The following UQCRB variants were observed in gnomAD, a reference collection of about 807,000 sequenced individuals.
The protein encoded by UQCRB is ubiquinol-cytochrome c reductase binding protein.
A neutral mutation model predicts 19.8 loss-of-function variants in UQCRB; 12 were observed. The ratio of observed to expected loss-of-function variants is 0.61; its 90% CI spans 0.39 to 0.98. The LOEUF is 0.98. Among genes scored for constraint, UQCRB ranks in the 50% least tolerant of loss-of-function variants. UQCRB has a pLI of 0.00. For synonymous variants in UQCRB, 39 were observed against 42.9 expected, an observed-to-expected ratio of 0.91 and a Z score of 0.35; for missense variants, 142 against 131.8, an observed-to-expected ratio of 1.08 and a Z score of -0.38.
At position 96,228,502 on chromosome 8, in the gene UQCRB, A is replaced by G. The variant is rs1240900864; in HGVS notation, c.*2553T>C. The G allele has an allele frequency of 4.4e-6, 2 of 454,126 alleles. No individual in the cohort carries two copies. The highest frequency in any genetic ancestry group is 4.7e-5 in the Admixed American group (2 of 42,576). 28.1% of individuals were successfully genotyped at this position (454,126 alleles called of 1,614,324 possible). On this transcript the variant is annotated 3_prime_UTR_variant, in exon 4 of 4. Coordinates refer to ENST00000287022, the MANE Select transcript of UQCRB (RefSeq NM_006294.5). Reference sequence around the variant, plus strand: ...GAAACAAGAGTGCCACATAGAAGGAAGAGAGGAGACCTTGGACCTTAGCTA... The same window carrying G: ...GAAACAAGAGTGCCACATAGAAGGAGGAGAGGAGACCTTGGACCTTAGCTA...
intron 1 of UQCRB, 174 bp from the exon 2 acceptor site, chr8:96,233,401 A>C: frequency 1.6e-6 from 1 of 612,770 alleles, no homozygotes; most frequent in South Asian, 2.1e-5. Flanking sequence ...ATTAGATTTA[A>C]AAGAAAAAAG....
chr8:96,226,853 T>C lies in UQCRB; in HGVS notation c.*4202A>G, dbSNP rs1249657737. On this transcript the variant is annotated 3_prime_UTR_variant, in exon 4 of 4. Transcript: ENST00000287022. ...AGTTTATCATAAGCCTCTGGAATAT[T>C]AACAGGCTTTCTGACATCTATGCTA... 2.2e-6 allele frequency: 1 copy of C among 451,202 alleles called. No homozygotes were observed. The highest frequency in any genetic ancestry group is 6.9e-5 in the East Asian group (1 of 14,398). The allele number at this position is 451,202 out of a possible 1,614,324, so 27.9% of individuals were successfully genotyped here.
Position 96,223,102 on chromosome 8 carries a change from G to GA in UQCRB, c.*7952dup, listed in dbSNP as rs2129760494. 6.7e-6 allele frequency among the ~76,000 whole-genome samples: 1 copy of GA among 148,622 alleles called. No individual in the cohort carries two copies. The highest frequency in any genetic ancestry group is 2.2e-4 in the South Asian group (1 of 4,642). On this transcript the variant is annotated 3_prime_UTR_variant, in exon 4 of 4. Coordinates refer to ENST00000287022, the MANE Select transcript of UQCRB (RefSeq NM_006294.5). ...CAATTATACAAGATGAACAGGTCTAGAGATTTCATGTACAGCATGGTGACT... is the reference window on the plus strand; with the variant it reads ...CAATTATACAAGATGAACAGGTCTAGAAGATTTCATGTACAGCATGGTGACT...
intron 1 of UQCRB, chr8:96,233,540 G>A: frequency 3.2e-6 from 1 of 310,466 alleles, no homozygotes; most frequent in South Asian, 3.6e-5. Context: ...AAGATCCATA[G>A]GTACATCGTG....
chr8:96,230,956 T>A lies in UQCRB; in HGVS notation c.*99A>T. 7.9e-7 allele frequency: 1 copy of A among 1,267,880 alleles called. No individual in the cohort carries two copies. The highest frequency in any genetic ancestry group is 1.7e-5 in the Admixed American group (1 of 59,010). 78.5% of individuals were successfully genotyped at this position (1,267,880 alleles called of 1,614,324 possible). A position where few individuals can be genotyped will look rare whatever the true frequency, so the allele number is the denominator to read the frequency against. On this transcript the variant is annotated 3_prime_UTR_variant, in exon 4 of 4. Coordinates refer to ENST00000287022, the MANE Select transcript of UQCRB (RefSeq NM_006294.5). ...TCCAGCCATTACAATAGACATTTAT[T>A]TAAAGTAAAACATCTTCAGACCAAA...
rs1381704295 is a variant in UQCRB at position 96,229,722 on chromosome 8, A to G, written c.*1333T>C. ...TCTTCAACCATACAAAAGAAAATTG[A>G]CATGATTTCAGGATAGGTTTAGAAA... is the stretch of plus-strand genomic sequence containing the variant. On this transcript the variant is annotated 3_prime_UTR_variant, in exon 4 of 4. Coordinates refer to ENST00000287022, the MANE Select transcript of UQCRB (RefSeq NM_006294.5). The G allele has an allele frequency of 6.6e-6, 3 of 453,666 alleles. No individual in the cohort carries two copies. Among genetic ancestry groups the G allele is most frequent in the Admixed American group, 2.4e-5 (1 of 42,512 alleles). 28.1% of individuals were successfully genotyped at this position (453,666 alleles called of 1,614,324 possible). A position where few individuals can be genotyped will look rare whatever the true frequency, so the allele number is the denominator to read the frequency against.
chr8:96,227,541 T>G lies in UQCRB; in HGVS notation c.*3514A>C. On this transcript the variant is annotated 3_prime_UTR_variant, in exon 4 of 4. Coordinates refer to ENST00000287022, the MANE Select transcript of UQCRB (RefSeq NM_006294.5). ...TGTCCCTCCTAAAATCCATGCTTCC[T>G]CCCATACACCATAAACCCATCTGCT... is the stretch of plus-strand genomic sequence containing the variant. 1 of 454,154 alleles carries G rather than the reference T, an allele frequency of 2.2e-6. No individual in the cohort carries two copies. Among genetic ancestry groups the G allele is most frequent in the Non-Finnish European group, 4.4e-6 (1 of 226,798 alleles). The allele number at this position is 454,154 out of a possible 1,614,324, so 28.1% of individuals were successfully genotyped here.
chr8:96,235,539 GA>G lies in UQCRB; in HGVS notation c.-10del. 1 of 1,614,256 alleles carries G rather than the reference GA, an allele frequency of 6.2e-7. No individual in the cohort carries two copies. The highest frequency in any genetic ancestry group is 8.5e-7 in the Non-Finnish European group (1 of 1,180,044). On this transcript the variant is annotated 5_prime_UTR_variant, in exon 1 of 4. Coordinates refer to ENST00000287022, the MANE Select transcript of UQCRB (RefSeq NM_006294.5). ...GCCTGCTTACCAGCCATTTTGACCA[GA>G]AAGAGAAGCGTTGCCTTCTGGGTAA... is the stretch of plus-strand genomic sequence containing the variant.
intron 1 of UQCRB, chr8:96,234,924 C>G (rs905503312): frequency 1.4e-5 from 3 of 208,974 alleles, no homozygotes; most frequent in African/African-American, 7.2e-5. Context: ...AGCTGACGCT[C>G]TAGATAATCC....
In UQCRB at chr8:96,223,961, C is replaced by G. The variant is rs1039286950; in HGVS notation, c.*7094G>C. ...GGAAGGCCACTCCCTTCAACTGGAA[C>G]TAGTGTGGTCTCCTGGAGTCTGACT... On this transcript the variant is annotated 3_prime_UTR_variant, in exon 4 of 4. Transcript: ENST00000287022. Among the ~76,000 whole-genome samples the G allele has an allele frequency of 6.6e-6, 1 of 152,160 alleles. No homozygotes were observed. The highest frequency in any genetic ancestry group is 2.4e-5 in the African/African-American group (1 of 41,442).
In UQCRB at chr8:96,229,753, C is replaced by T. The variant is rs2129792512; in HGVS notation, c.*1302G>A. 2.2e-6 allele frequency: 1 copy of T among 452,194 alleles called. No homozygotes were observed. Among genetic ancestry groups the T allele is most frequent in the South Asian group, 1.6e-5 (1 of 64,354 alleles). 28.0% of individuals were successfully genotyped at this position (452,194 alleles called of 1,614,324 possible). A position where few individuals can be genotyped will look rare whatever the true frequency, so the allele number is the denominator to read the frequency against. ...TTTCAGGATAGGTTTAGAAAAATAA[C>T]GACCAGCGAAAGGAAAAAAAAAAGC... On this transcript the variant is annotated 3_prime_UTR_variant, in exon 4 of 4. Transcript: ENST00000287022.
chr8:96,229,457 T>A lies in UQCRB; in HGVS notation c.*1598A>T. On this transcript the variant is annotated 3_prime_UTR_variant, in exon 4 of 4. Coordinates refer to ENST00000287022, the MANE Select transcript of UQCRB (RefSeq NM_006294.5). ...TTGAGATGCCTCAGTTGTAGTCTCCTTGTAATTGTGCACAGTAGACGTCTG... is the reference window on the plus strand; with the variant it reads ...TTGAGATGCCTCAGTTGTAGTCTCCATGTAATTGTGCACAGTAGACGTCTG... 2.2e-6 allele frequency: 1 copy of A among 454,132 alleles called. No homozygotes were observed. Among genetic ancestry groups the A allele is most frequent in the South Asian group, 1.6e-5 (1 of 64,476 alleles). 28.1% of individuals were successfully genotyped at this position (454,132 alleles called of 1,614,324 possible).
rs1283617035 is a variant in UQCRB at position 96,235,520 on chromosome 8, T to C, written c.11A>G (p.Lys4Arg). 2.5e-6 allele frequency: 4 copies of C among 1,614,130 alleles called. No homozygotes were observed. The highest frequency in any genetic ancestry group is 3.4e-6 in the Non-Finnish European group (4 of 1,180,044). The change falls in exon 1 of 4, where the codon AAG becomes AGG. Residue 4 changes from lysine (K) to arginine (R), a missense_variant. Lys to Arg is a conservative substitution (Grantham distance 26). Coordinates refer to ENST00000287022, the MANE Select transcript of UQCRB (RefSeq NM_006294.5). Reference protein sequence around the residue: MAGKQAVSASGKWL... With the variant: MAGRQAVSASGKWL... ...GACCCCCAGTTACTTACCGGCCTGC[T>C]TACCAGCCATTTTGACCAGAAAGAG...
Position 96,230,525 on chromosome 8 carries a change from T to C in UQCRB, c.*530A>G, listed in dbSNP as rs1450575730. 2.2e-6 allele frequency: 1 copy of C among 453,678 alleles called. No individual in the cohort carries two copies. The highest frequency in any genetic ancestry group is 7.0e-5 in the East Asian group (1 of 14,252). 28.1% of individuals were successfully genotyped at this position (453,678 alleles called of 1,614,324 possible). On this transcript the variant is annotated 3_prime_UTR_variant, in exon 4 of 4. Transcript: ENST00000287022. ...ACAGTATGATTTGTCTTTATACTTTTATTTTTCTAACATCTTTTTGTTTTC... is the reference window on the plus strand; with the variant it reads ...ACAGTATGATTTGTCTTTATACTTTCATTTTTCTAACATCTTTTTGTTTTC...
At position 96,226,804 on chromosome 8, in the gene UQCRB, A is replaced by G. The variant is rs1809534377; in HGVS notation, c.*4251T>C. On this transcript the variant is annotated 3_prime_UTR_variant, in exon 4 of 4. Coordinates refer to ENST00000287022, the MANE Select transcript of UQCRB (RefSeq NM_006294.5). ...CTCTTTCTTTGTAGGAGATATAATC[A>G]GAATCCAGAATGACAATTTAAATAG... The G allele has an allele frequency of 2.3e-6, 1 of 440,394 alleles. No individual in the cohort carries two copies. The allele number at this position is 440,394 out of a possible 1,614,324, so 27.3% of individuals were successfully genotyped here.
Position 96,226,685 on chromosome 8 carries a change from C to T in UQCRB, c.*4370G>A, listed in dbSNP as rs1180683510. On this transcript the variant is annotated 3_prime_UTR_variant, in exon 4 of 4. Coordinates refer to ENST00000287022, the MANE Select transcript of UQCRB (RefSeq NM_006294.5). ...CAATTATTCAACTGGATAATGTTAC[C>T]AGAAGTTTTCAGGGGTTTATTTTAA... The T allele has an allele frequency of 3.3e-5, 11 of 334,470 alleles. No homozygotes were observed. The highest frequency in any genetic ancestry group is 5.7e-5 in the Non-Finnish European group (10 of 173,998). The allele number at this position is 334,470 out of a possible 1,614,324, so 20.7% of individuals were successfully genotyped here. A position where few individuals can be genotyped will look rare whatever the true frequency, so the allele number is the denominator to read the frequency against.
intron 1 of UQCRB, chr8:96,235,091 T>C (rs909974678): frequency 2.7e-5 from 8 of 292,000 alleles, no homozygotes; most frequent in Admixed American, 9.7e-5. Context: ...AATATCTCCC[T>C]CGTCGCAATG....
At position 96,231,926 on chromosome 8, in the gene UQCRB, C is replaced by T; in HGVS notation, c.106G>A (p.Asp36Asn). 3.1e-6 allele frequency: 5 copies of T among 1,613,380 alleles called. No individual in the cohort carries two copies. The highest frequency in any genetic ancestry group is 4.2e-6 in the Non-Finnish European group (5 of 1,179,992). Residue 36 changes from aspartate (D) to asparagine (N), a missense_variant, in exon 3 of 4, where the codon GAT becomes AAT. Asp to Asn is a conservative substitution (Grantham distance 23). Transcript: ENST00000287022. ...GFNKLGLMRD[D>N]TIYEDEDVKE... ...ACATCTTCATCCTCGTATATTGTAT[C>T]ATCTCGCATTAACCCTATGATAGAT...
chr8:96,227,390 G>T lies in UQCRB; in HGVS notation c.*3665C>A. The T allele has an allele frequency of 2.2e-6, 1 of 454,096 alleles. No individual in the cohort carries two copies. Among genetic ancestry groups the T allele is most frequent in the South Asian group, 1.6e-5 (1 of 64,478 alleles). 28.1% of individuals were successfully genotyped at this position (454,096 alleles called of 1,614,324 possible). On this transcript the variant is annotated 3_prime_UTR_variant, in exon 4 of 4. Transcript: ENST00000287022. ...ATAGTGCTCGTGTGATGTACACTAA[G>T]TTGTAAAGTTATAGGGCATCGCCAC...
Sources: gnomAD v4.1 joint callset for allele counts (sites outside exome capture counted in the v4.1 genomes callset) on GRCh38, gnomAD v4.1.1 for gene constraint, MANE v1.5 for transcripts, NCBI Gene and HGNC (gene_info 2026-07-23, HGNC 2026-07-21) for gene names.